PDE4B: variants seen among roughly 807,000 people sequenced by gnomAD.
The protein encoded by PDE4B is phosphodiesterase 4B, also known as 3',5'-cyclic-AMP phosphodiesterase 4B.
PDE4B carries 20 observed loss-of-function variants against 82.2 expected under a neutral mutation model. That is an observed-to-expected ratio of 0.24 (90% CI 0.17 to 0.35). The LOEUF is 0.35. PDE4B is among the 10% of genes least tolerant of loss of function. The pLI is 1.00. For synonymous variants in PDE4B, 320 were observed against 318.9 expected, an observed-to-expected ratio of 1.00 and a Z score of -0.04; for missense variants, 655 against 907.2, an observed-to-expected ratio of 0.72 and a Z score of 3.57.
intron 3 of PDE4B, among the ~76,000 whole-genome samples, chr1:66,047,797 C>T (rs566704757): frequency 9.2e-5 from 14 of 151,996 alleles, no homozygotes; most frequent in African/African-American, 2.9e-4. Flanking sequence ...AGTTCAGACC[C>T]TTTGAAGAAG....
chr1:66,054,984 C>G (rs529254257), intron 3 of PDE4B, among the ~76,000 whole-genome samples: 2 of 152,092 alleles, frequency 1.3e-5, no homozygotes, highest in Non-Finnish European at 2.9e-5. Context: ...GTCATGGACA[C>G]CTTTATAGAG....
intron 3 of PDE4B, among the ~76,000 whole-genome samples, chr1:65,960,102 T>G (rs1300076483): frequency 6.6e-6 from 1 of 152,190 alleles, no homozygotes; most frequent in African/African-American, 2.4e-5. Flanking sequence ...TTTTAGCTCT[T>G]TATGTCTGAG....
chr1:66,291,258 C>A (rs1657056523), intron 7 of PDE4B, among the ~76,000 whole-genome samples: 1 of 151,940 alleles, frequency 6.6e-6, no homozygotes, highest in African/African-American at 2.4e-5. Context: ...GAAAAGTGAG[C>A]TTTAGGGAGG....
intron 3 of PDE4B, among the ~76,000 whole-genome samples, chr1:66,141,818 G>A (rs1228026330): frequency 6.6e-6 from 1 of 152,090 alleles, no homozygotes; most frequent in Non-Finnish European, 1.5e-5. Flanking sequence ...CCAACACAAT[G>A]TATTCTGCAC....
chr1:66,216,418 G>T (rs889486272), intron 3 of PDE4B, among the ~76,000 whole-genome samples: 11 of 152,078 alleles, frequency 7.2e-5, no homozygotes, highest in Admixed American at 2.0e-4. Flanking sequence ...ACAGAGTTGA[G>T]ATTTTGCAAT....
At chr1:66,261,240 T>C (rs1423128420) in intron 6 of PDE4B, among the ~76,000 whole-genome samples, 2 of 152,180 alleles carry the variant, frequency 1.3e-5, no homozygotes, top group African/African-American at 4.8e-5. Flanking sequence ...CACTCCATTT[T>C]ATTTCTAGAT....
chr1:65,821,167 G>C (rs935595042), intron 1 of PDE4B, among the ~76,000 whole-genome samples: 14 of 152,212 alleles, frequency 9.2e-5, no homozygotes, highest in Non-Finnish European at 1.5e-5. Flanking sequence ...AGCTTGGTCA[G>C]GCACAGTGGA....
chr1:66,343,036 G>A (rs2101960466), intron 8 of PDE4B, among the ~76,000 whole-genome samples: 1 of 152,206 alleles, frequency 6.6e-6, no homozygotes, highest in South Asian at 2.1e-4. Flanking sequence ...CTGGGTGCTG[G>A]GTGATGGGAG....
At chr1:66,372,177 T>C in intron 16 of PDE4B, 136 bp from the exon 17 acceptor site, 1 of 867,430 alleles carries the variant, frequency 1.2e-6, no homozygotes, top group South Asian at 1.7e-5. Context: ...GTATTGTGAG[T>C]GCCCAAATCA....
intron 12 of PDE4B, among the ~76,000 whole-genome samples, chr1:66,364,209 C>G (rs1663048591): frequency 6.6e-6 from 1 of 152,124 alleles, no homozygotes; most frequent in African/African-American, 2.4e-5. Flanking sequence ...ATAAAATACT[C>G]TCTATATTTC....
intron 3 of PDE4B, among the ~76,000 whole-genome samples, chr1:65,933,418 C>T (rs1395623767): frequency 2.0e-5 from 3 of 152,052 alleles, no homozygotes; most frequent in Non-Finnish European, 4.4e-5. Context: ...AGAGGCTGGG[C>T]GCTGTGGCTC....
intron 3 of PDE4B, among the ~76,000 whole-genome samples, chr1:66,187,088 A>G (rs1647255103): frequency 6.6e-6 from 1 of 152,228 alleles, no homozygotes; most frequent in Non-Finnish European, 1.5e-5. Flanking sequence ...CTGTTGAGAT[A>G]ATCATGTAGT....
intron 3 of PDE4B, among the ~76,000 whole-genome samples, chr1:66,090,004 G>T (rs757391208): frequency 6.6e-6 from 1 of 152,118 alleles, no homozygotes; most frequent in East Asian, 1.9e-4. Flanking sequence ...CTTGATCTAT[G>T]TAGATGACAA....
At chr1:66,326,302 A>T (rs1005874163) in intron 7 of PDE4B, among the ~76,000 whole-genome samples, 1 of 152,212 alleles carries the variant, frequency 6.6e-6, no homozygotes, top group African/African-American at 2.4e-5. Context: ...TATAAAGTGA[A>T]CATACCTATG....
chr1:65,813,105 T>G (rs570063929), intron 1 of PDE4B, among the ~76,000 whole-genome samples: 9 of 152,194 alleles, frequency 5.9e-5, no homozygotes, highest in African/African-American at 1.9e-4. Flanking sequence ...AATGAGGTAT[T>G]GAGGGTTTGG....
intron 8 of PDE4B, among the ~76,000 whole-genome samples, chr1:66,343,490 TC>T (rs1179406334): frequency 6.6e-6 from 1 of 152,214 alleles, no homozygotes; most frequent in Non-Finnish European, 1.5e-5. Flanking sequence ...TCAAAGGCCA[TC>T]CTCTTACCTA....
Position 66,201,349 on chromosome 1 carries a change from T to C in PDE4B, c.282-46111T>C, listed in dbSNP as rs559469827. Reference sequence around the variant, plus strand: ...CTGCCAGTCTTTGGTATCAGGATGATGCTGGCCTCATAAAATGAGTTAGGG... The same window carrying C: ...CTGCCAGTCTTTGGTATCAGGATGACGCTGGCCTCATAAAATGAGTTAGGG... On this transcript the variant is annotated intron_variant, in intron 3 of 16. Coordinates refer to ENST00000341517, the MANE Select transcript of PDE4B (RefSeq NM_002600.4). Among the ~76,000 whole-genome samples the C allele has an allele frequency of 2.6e-3, 389 of 152,254 alleles. 1 individual carries two copies. Among genetic ancestry groups the C allele is most frequent in the Middle Eastern group, 0.017 (5 of 294 alleles).
chr1:66,332,477 C>A (rs1325678824), intron 7 of PDE4B, 31 bp from the exon 8 acceptor site: 1 of 1,614,156 alleles, frequency 6.2e-7, no homozygotes, highest in Non-Finnish European at 8.5e-7. Flanking sequence ...GCCGCTCCAG[C>A]CTAACTACAT....
rs183813414 is a variant in PDE4B, at chr1:66,002,683, A to G, written c.281+83848A>G. Among the ~76,000 whole-genome samples, 456 of 152,120 alleles carry G rather than the reference A, an allele frequency of 3.0e-3. 2 individuals are homozygous for G. Among genetic ancestry groups the G allele is most frequent in the African/African-American group, 0.01 (418 of 41,546 alleles). ...TGACGTTGTCTGGAATTTATTTTTC[A>G]TGGTGAATCTTTGTTTTATGTGACT... On this transcript the variant is annotated intron_variant, in intron 3 of 16. Coordinates refer to ENST00000341517, the MANE Select transcript of PDE4B (RefSeq NM_002600.4).
Sources: allele counts gnomAD v4.1 joint callset (sites outside exome capture counted in the v4.1 genomes callset), GRCh38; gene constraint gnomAD v4.1.1; transcripts MANE v1.5; gene names NCBI Gene and HGNC (gene_info 2026-07-23, HGNC 2026-07-21).